Variants in MAPKAPK2 observed in about 807,000 individuals in gnomAD.
The protein encoded by MAPKAPK2 is MAP kinase-activated protein kinase 2.
A neutral mutation model predicts 48.8 loss-of-function variants in MAPKAPK2; 9 were observed. The observed-to-expected ratio is 0.18, with a 90% CI of 0.11 to 0.32. The LOEUF is 0.32. Among genes scored for constraint, MAPKAPK2 ranks in the 10% least tolerant of loss-of-function variants. MAPKAPK2 has a pLI of 1.00. For synonymous variants in MAPKAPK2, 202 were observed against 190.6 expected, an observed-to-expected ratio of 1.06 and a Z score of -0.49; for missense variants, 331 against 498.3, an observed-to-expected ratio of 0.66 and a Z score of 3.20.
At chr1:206,722,793 G>T (rs1275166303) in intron 1 of MAPKAPK2, among the ~76,000 whole-genome samples, 2 of 152,338 alleles carry the variant, frequency 1.3e-5, no homozygotes, top group African/African-American at 4.8e-5. Context: ...AGGCTCACCT[G>T]CAGCAGCTGC....
intron 1 of MAPKAPK2, among the ~76,000 whole-genome samples, chr1:206,720,381 T>C (rs1673476954): frequency 6.6e-6 from 1 of 152,246 alleles, no homozygotes; most frequent in Non-Finnish European, 1.5e-5. Context: ...TGTTTTGTTT[T>C]TGAGACAGAG....
At chr1:206,726,691 A>G (rs2102411949) in intron 1 of MAPKAPK2, among the ~76,000 whole-genome samples, 1 of 152,264 alleles carries the variant, frequency 6.6e-6, no homozygotes, top group East Asian at 1.9e-4. Flanking sequence ...CTGGATTCCA[A>G]CCTTGGCTCT....
intron 1 of MAPKAPK2, among the ~76,000 whole-genome samples, chr1:206,707,637 C>T (rs956140283): frequency 4.6e-5 from 7 of 152,190 alleles, no homozygotes; most frequent in Middle Eastern, 3.4e-3. Context: ...TTAGTTTCCG[C>T]CAAGATGCCT....
At chr1:206,696,030 C>T in intron 1 of MAPKAPK2, 1 of 820,298 alleles carries the variant, frequency 1.2e-6, no homozygotes, top group East Asian at 2.4e-5. Context: ...CTCTGGGCCA[C>T]ATCCCGGGCA....
At position 206,731,252 on chromosome 1, in the gene MAPKAPK2, A is replaced by G. The variant is rs782431255; in HGVS notation, c.882A>G (p.Val294=). ...YEFPNPEWSE[V]SEEVKMLIRN... ...TTCCCAACCCAGAATGGTCAGAAGT[A>G]TCAGAGGAAGGTAAGAACCCAGGCT... Residue 294 remains valine, a synonymous_variant, in exon 7 of 10, where the codon GTA becomes GTG. Transcript: ENST00000367103. The surrounding 1 kb of genome is among the most constrained non-coding windows in gnomAD (Gnocchi z 5.9). 15 of 1,614,214 alleles carry G rather than the reference A, an allele frequency of 9.3e-6. No individual in the cohort carries two copies. The highest frequency in any genetic ancestry group is 1.3e-5 in the Non-Finnish European group (15 of 1,180,034).
chr1:206,695,231 G>A (rs1315280204), intron 1 of MAPKAPK2, among the ~76,000 whole-genome samples: 1 of 152,198 alleles, frequency 6.6e-6, no homozygotes, highest in African/African-American at 2.4e-5. Context: ...GAGAGTAGTA[G>A]GGGGTGGGAT....
At chr1:206,698,473 C>T (rs1553427387) in intron 1 of MAPKAPK2, among the ~76,000 whole-genome samples, 1 of 152,212 alleles carries the variant, frequency 6.6e-6, no homozygotes, top group Non-Finnish European at 1.5e-5. Context: ...GTGACTTGTA[C>T]AGCTCCCCTA....
intron 1 of MAPKAPK2, among the ~76,000 whole-genome samples, chr1:206,703,354 C>T (rs1299329010): frequency 6.6e-6 from 1 of 152,146 alleles, no homozygotes; most frequent in Non-Finnish European, 1.5e-5. Flanking sequence ...TGAGTGGAAC[C>T]AAAGATTTCT....
intron 1 of MAPKAPK2, among the ~76,000 whole-genome samples, chr1:206,686,513 C>T (rs1190455874): frequency 5.3e-5 from 8 of 152,178 alleles, no homozygotes; most frequent in African/African-American, 1.7e-4. Context: ...ACAAGGTTTT[C>T]CTCTCACAGG....
At chr1:206,727,345 A>G (rs1673734736) in intron 1 of MAPKAPK2, among the ~76,000 whole-genome samples, 1 of 152,150 alleles carries the variant, frequency 6.6e-6, no homozygotes, top group Non-Finnish European at 1.5e-5. Flanking sequence ...AGGGTAGATC[A>G]GGATGCTTTT....
chr1:206,703,815 A>G (rs906219302), intron 1 of MAPKAPK2, among the ~76,000 whole-genome samples: 1 of 152,168 alleles, frequency 6.6e-6, no homozygotes, highest in Non-Finnish European at 1.5e-5. Context: ...ACTAACCACA[A>G]TCTCCATCTC....
At chr1:206,729,919 T>C (rs782065077) in intron 4 of MAPKAPK2, 53 bp from the exon 5 acceptor site, 9 of 1,611,502 alleles carry the variant, frequency 5.6e-6, no homozygotes, top group Admixed American at 5.0e-5. Flanking sequence ...TCGTTTCTGA[T>C]AGCCCCTCCC....
chr1:206,713,806 C>T (rs1451239233), intron 1 of MAPKAPK2, among the ~76,000 whole-genome samples: 1 of 152,192 alleles, frequency 6.6e-6, no homozygotes, highest in African/African-American at 2.4e-5. Context: ...GCGGAGTTTG[C>T]AGTGAGCTGA....
intron 1 of MAPKAPK2, among the ~76,000 whole-genome samples, chr1:206,720,432 A>C (rs1553431052): frequency 1.3e-5 from 2 of 151,822 alleles, no homozygotes; most frequent in African/African-American, 4.8e-5. Flanking sequence ...GCTCACTACA[A>C]CCTCCGCTTC....
intron 1 of MAPKAPK2, among the ~76,000 whole-genome samples, chr1:206,712,945 G>A (rs1430040253): frequency 4.1e-5 from 5 of 120,788 alleles, no homozygotes; most frequent in East Asian, 2.8e-4. Flanking sequence ...CAGCCTGGGC[G>A]ACAGAATGAG....
intron 1 of MAPKAPK2, chr1:206,696,026 G>T: frequency 3.7e-6 from 3 of 809,246 alleles, no homozygotes; most frequent in Non-Finnish European, 6.7e-6. Context: ...CCAGCTCTGG[G>T]CCACATCCCG....
At chr1:206,703,089 A>C (rs1461740860) in intron 1 of MAPKAPK2, among the ~76,000 whole-genome samples, 4 of 152,202 alleles carry the variant, frequency 2.6e-5, no homozygotes, top group Non-Finnish European at 5.9e-5. Context: ...AAGTGCAAGC[A>C]AGCACCAGTG....
chr1:206,703,907 G>C (rs1399198715), intron 1 of MAPKAPK2, among the ~76,000 whole-genome samples: 2 of 152,244 alleles, frequency 1.3e-5, no homozygotes, highest in African/African-American at 2.4e-5. Context: ...AGAGGCAGAG[G>C]CTTCTTGTGA....
At chr1:206,720,342 G>T (rs1673476369) in intron 1 of MAPKAPK2, among the ~76,000 whole-genome samples, 1 of 152,132 alleles carries the variant, frequency 6.6e-6, no homozygotes, top group Admixed American at 6.5e-5. Context: ...GAGTCTTAAT[G>T]CCTTTATTGT....
Sources: gnomAD v4.1 joint callset for allele counts (sites outside exome capture counted in the v4.1 genomes callset) on GRCh38, gnomAD v4.1.1 for gene constraint, Gnocchi (gnomAD v3.1) non-coding constraint, MANE v1.5 for transcripts, NCBI Gene and HGNC (gene_info 2026-07-23, HGNC 2026-07-21) for gene names.